Variants in SLC1A3 observed in about 807,000 individuals in gnomAD.
SLC1A3 encodes the protein solute carrier family 1 member 3.
In SLC1A3, 21 loss-of-function variants were observed where a neutral mutation model predicts 48.1. The observed-to-expected ratio is 0.44, with a 90% CI of 0.31 to 0.63. The LOEUF is 0.63. Among genes scored for constraint, SLC1A3 ranks in the 20% least tolerant of loss-of-function variants. SLC1A3 has a pLI of 0.08. For missense variants in SLC1A3, 546 were observed against 689.0 expected (o/e 0.79, Z 2.32); for synonymous variants, 239 against 251.4 (o/e 0.95, Z 0.47).
chr5:36,653,893 G>A (rs1438648213), intron 3 of SLC1A3, among the ~76,000 whole-genome samples: 5 of 152,242 alleles, frequency 3.3e-5, no homozygotes, highest in African/African-American at 4.8e-5. Context: ...GCCCAGACTG[G>A]AGTGCAGTGG....
Position 36,671,117 on chromosome 5 carries a change from G to T in SLC1A3, c.408G>T (p.Val136=). ...YYMTTTIIAV[V]IGIIIVIIIH... ...TGACTACCACCATCATTGCTGTGGTGATTGGCATAATCATTGTCATCATCA... is the reference window on the plus strand; with the variant it reads ...TGACTACCACCATCATTGCTGTGGTTATTGGCATAATCATTGTCATCATCA... The change falls in exon 4 of 10, where the codon GTG becomes GTT. Residue 136 remains valine (V), a synonymous_variant. Coordinates refer to ENST00000265113, the MANE Select transcript of SLC1A3 (RefSeq NM_004172.5). 6.2e-7 allele frequency: 1 copy of T among 1,613,816 alleles called. No individual in the cohort carries two copies.
intron 4 of SLC1A3, among the ~76,000 whole-genome samples, chr5:36,673,468 A>G (rs1742078537): frequency 6.6e-6 from 1 of 152,214 alleles, no homozygotes; most frequent in Non-Finnish European, 1.5e-5. Flanking sequence ...AAGTCTCTGA[A>G]GAAGTAACAA....
intron 6 of SLC1A3, among the ~76,000 whole-genome samples, chr5:36,678,744 G>T (rs1742313163): frequency 6.6e-6 from 1 of 152,166 alleles, no homozygotes; most frequent in Non-Finnish European, 1.5e-5. Flanking sequence ...ATTTCAACAT[G>T]TAGAAATCAT....
In SLC1A3 at chr5:36,666,689, T is replaced by A. The variant is rs1580015379; in HGVS notation, c.320-4340T>A. Among the ~76,000 whole-genome samples, 5 of 152,340 alleles carry A rather than the reference T, an allele frequency of 3.3e-5. 2 individuals are homozygous for A. Among genetic ancestry groups the A allele is most frequent in the Admixed American group, 3.3e-4 (5 of 15,300 alleles). ...GATGGAAACTTGGGAACTTGGCACA[T>A]TTTATGTTGTCCTTTAATACTTGAC... On this transcript the variant is annotated intron_variant, in intron 3 of 9. Coordinates refer to ENST00000265113, the MANE Select transcript of SLC1A3 (RefSeq NM_004172.5).
At chr5:36,648,600 CCTT>C (rs569078960) in intron 3 of SLC1A3, among the ~76,000 whole-genome samples, 6 of 152,292 alleles carry the variant, frequency 3.9e-5, no homozygotes, top group Admixed American at 2.0e-4. Context: ...ACCCCCCTGG[CCTT>C]CTTGTGACAC....
At chr5:36,664,858 G>A (rs2111901102) in intron 3 of SLC1A3, among the ~76,000 whole-genome samples, 1 of 152,302 alleles carries the variant, frequency 6.6e-6, no homozygotes, top group South Asian at 2.1e-4. Context: ...GCAAAACAGG[G>A]AAAATAATAC....
At chr5:36,635,433 G>T (rs752873742) in intron 3 of SLC1A3, among the ~76,000 whole-genome samples, 3 of 152,268 alleles carry the variant, frequency 2.0e-5, no homozygotes, top group Admixed American at 2.0e-4. Context: ...ACGGAACTAA[G>T]GCTCCAGATT....
At chr5:36,638,834 ATTTTTGTAT>A (rs1740499377) in intron 3 of SLC1A3, 1 of 152,010 alleles carries the variant, frequency 6.6e-6, no homozygotes, top group African/African-American at 2.4e-5. Context: ...CGCCCAGCTA[ATTTTTGTAT>A]TTTTAGTAGA....
intron 3 of SLC1A3, chr5:36,668,602 C>T (rs1405834748): frequency 6.6e-6 from 1 of 152,162 alleles, no homozygotes; most frequent in Non-Finnish European, 1.5e-5. Context: ...TTACTTTATT[C>T]TCTTTCAAAG....
At chr5:36,682,586 T>G (rs1742481907) in intron 8 of SLC1A3, among the ~76,000 whole-genome samples, 1 of 152,218 alleles carries the variant, frequency 6.6e-6, no homozygotes, top group Non-Finnish European at 1.5e-5. Context: ...TATATTTCTC[T>G]TTCATGCAGC....
intron 3 of SLC1A3, among the ~76,000 whole-genome samples, chr5:36,637,014 A>C (rs1047001573): frequency 6.6e-6 from 1 of 152,190 alleles, no homozygotes; most frequent in Non-Finnish European, 1.5e-5. Context: ...GCAGTCTTTC[A>C]GATGGTCTCA....
In SLC1A3 at chr5:36,683,762, C is replaced by T. The variant is rs1561287003; in HGVS notation, c.1290-102C>T. 4 of 1,286,702 alleles carry T rather than the reference C, an allele frequency of 3.1e-6. No individual in the cohort carries two copies. In the South Asian group the frequency reaches 3.6e-5, roughly 12 times the overall value. The allele number at this position is 1,286,702 out of a possible 1,614,324, so 79.7% of individuals were successfully genotyped here. ...TTCTGAAGCGCGTCCTCTTGTGTTA[C>T]ATGGCAAGTCAGGCATCGGCACCGT... On this transcript the variant is annotated intron_variant, in intron 8 of 9. Transcript: ENST00000265113.
intron 5 of SLC1A3, among the ~76,000 whole-genome samples, chr5:36,676,081 A>G (rs1396396175): frequency 6.6e-6 from 1 of 152,224 alleles, no homozygotes; most frequent in Non-Finnish European, 1.5e-5. Context: ...AGATGATGGG[A>G]AAAAGACCAT....
chr5:36,600,517 T>C (rs1738795821), intron 1 of SLC1A3, among the ~76,000 whole-genome samples: 3 of 152,184 alleles, frequency 2.0e-5, no homozygotes, highest in African/African-American at 4.8e-5. Context: ...AGCAAACAAC[T>C]GAGGCCTGGG....
chr5:36,621,334 A>T lies in SLC1A3; in HGVS notation c.182-8116A>T, dbSNP rs371012197. Among the ~76,000 whole-genome samples, 35 of 152,314 alleles carry T rather than the reference A, an allele frequency of 2.3e-4. No homozygotes were observed. In the South Asian group the frequency reaches 4.6e-3, roughly 20 times the overall value. On this transcript the variant is annotated intron_variant, in intron 2 of 9. Coordinates refer to ENST00000265113, the MANE Select transcript of SLC1A3 (RefSeq NM_004172.5). ...ATGATGGAGAAATGACAAGGAGGGA[A>T]GTGTGGAAACAGGTGAGAGGGAGCA...
chr5:36,647,884 C>T (rs140313831), intron 3 of SLC1A3, among the ~76,000 whole-genome samples: 1 of 152,196 alleles, frequency 6.6e-6, no homozygotes, highest in African/African-American at 2.4e-5. Context: ...GCCACACTAA[C>T]TTCGTGGCTT....
At chr5:36,672,343 T>C (rs1247312096) in intron 4 of SLC1A3, among the ~76,000 whole-genome samples, 11 of 152,240 alleles carry the variant, frequency 7.2e-5, no homozygotes, top group African/African-American at 2.6e-4. Context: ...TCCCAGGGCA[T>C]AGACAGAGTG....
chr5:36,648,611 C>T (rs1171519539), intron 3 of SLC1A3, among the ~76,000 whole-genome samples: 1 of 152,162 alleles, frequency 6.6e-6, no homozygotes, highest in African/African-American at 2.4e-5. Flanking sequence ...CTTCTTGTGA[C>T]ACTGAGCTAC....
chr5:36,645,701 C>T (rs980608992), intron 3 of SLC1A3, among the ~76,000 whole-genome samples: 1 of 152,144 alleles, frequency 6.6e-6, no homozygotes, highest in Non-Finnish European at 1.5e-5. Flanking sequence ...CAACCATTCT[C>T]AGTAATTTTG....
Sources: allele counts gnomAD v4.1 joint callset (sites outside exome capture counted in the v4.1 genomes callset), GRCh38; gene constraint gnomAD v4.1.1; transcripts MANE v1.5; gene names NCBI Gene and HGNC (gene_info 2026-07-23, HGNC 2026-07-21).